CDKAL1: variants seen among roughly 807,000 people sequenced by gnomAD.
CDKAL1 encodes the protein CDKAL1 threonylcarbamoyladenosine tRNA methylthiotransferase, also known as threonylcarbamoyladenosine tRNA methylthiotransferase.
In CDKAL1, 32 loss-of-function variants were observed where a neutral mutation model predicts 68.2. That is an observed-to-expected ratio of 0.47 (90% CI 0.35 to 0.63). The LOEUF is 0.63. Ranked by LOEUF, CDKAL1 falls within the 30% of genes least tolerant of loss-of-function variation. The pLI, the probability that CDKAL1 is intolerant of heterozygous loss-of-function variation, is 0.00. For synonymous variants in CDKAL1, 234 were observed against 244.3 expected (o/e 0.96, Z 0.39); for missense variants, 606 against 696.7 (o/e 0.87, Z 1.47).
intron 8 of CDKAL1, among the ~76,000 whole-genome samples, chr6:20,819,699 C>T (rs970213697): frequency 3.9e-5 from 6 of 151,906 alleles, no homozygotes; most frequent in East Asian, 1.9e-4. Flanking sequence ...TTCTATACTT[C>T]GAAATAAATG....
intron 5 of CDKAL1, among the ~76,000 whole-genome samples, chr6:20,672,298 CCCTCT>C (rs1769880234): frequency 9.0e-6 from 1 of 111,504 alleles, no homozygotes; most frequent in African/African-American, 6.8e-5. Flanking sequence ...CTCTCTCTCT[CCCTCT>C]CCCTCTCCCT....
intron 11 of CDKAL1, among the ~76,000 whole-genome samples, chr6:21,055,463 T>A (rs1443815890): frequency 6.6e-6 from 1 of 152,168 alleles, no homozygotes; most frequent in East Asian, 1.9e-4. Flanking sequence ...GGTGATTTAC[T>A]GCACCTATCA....
chr6:21,111,545 G>A (rs930658970), intron 13 of CDKAL1, among the ~76,000 whole-genome samples: 1 of 152,188 alleles, frequency 6.6e-6, no homozygotes, highest in Non-Finnish European at 1.5e-5. Flanking sequence ...TTAAACAAAC[G>A]TGTTGTTTGA....
At chr6:20,836,341 CG>C (rs1206288186) in intron 8 of CDKAL1, among the ~76,000 whole-genome samples, 2 of 152,088 alleles carry the variant, frequency 1.3e-5, no homozygotes, top group African/African-American at 4.8e-5. Context: ...AAAGCAGCAC[CG>C]TCACTAAGTT....
chr6:21,057,590 T>C (rs1164629647), intron 11 of CDKAL1, among the ~76,000 whole-genome samples: 5 of 152,246 alleles, frequency 3.3e-5, no homozygotes, highest in South Asian at 2.1e-4. Flanking sequence ...CTTGGTTCTC[T>C]AGTTTTTTTA....
In CDKAL1 at chr6:21,123,291, C is replaced by T. The variant is rs182671691; in HGVS notation, c.1299+14828C>T. Among the ~76,000 whole-genome samples the T allele has an allele frequency of 7.2e-5, 11 of 152,062 alleles. 1 individual carries two copies. Among genetic ancestry groups the T allele is most frequent in the Admixed American group, 3.3e-4 (5 of 15,280 alleles). On this transcript the variant is annotated intron_variant, in intron 13 of 15. Coordinates refer to ENST00000274695, the MANE Select transcript of CDKAL1 (RefSeq NM_017774.3). ...CCAACATGGTGAAACCCCATCTCTACAAAAAATAGAAAAATTAGCCAGGTG... is the reference window on the plus strand; with the variant it reads ...CCAACATGGTGAAACCCCATCTCTATAAAAAATAGAAAAATTAGCCAGGTG...
At chr6:20,911,261 CTACCCA>C (rs1762456051) in intron 9 of CDKAL1, among the ~76,000 whole-genome samples, 1 of 152,164 alleles carries the variant, frequency 6.6e-6, no homozygotes, top group South Asian at 2.1e-4. Context: ...CAAATAGTAG[CTACCCA>C]CTAAGTAGTA....
chr6:20,642,724 T>C (rs1421424848), intron 4 of CDKAL1, among the ~76,000 whole-genome samples: 1 of 152,164 alleles, frequency 6.6e-6, no homozygotes, highest in African/African-American at 2.4e-5. Flanking sequence ...TGGAATTTCA[T>C]GAGAATTTAT....
intron 15 of CDKAL1, among the ~76,000 whole-genome samples, chr6:21,218,855 AT>A (rs1319300685): frequency 6.6e-6 from 1 of 152,196 alleles, no homozygotes; most frequent in African/African-American, 2.4e-5. Context: ...GAGATTACAT[AT>A]GGGTGTGAAT....
chr6:20,907,064 G>C (rs1033924955), intron 9 of CDKAL1, among the ~76,000 whole-genome samples: 1 of 152,188 alleles, frequency 6.6e-6, no homozygotes, highest in Non-Finnish European at 1.5e-5. Flanking sequence ...GATTCTCAGG[G>C]ATTGAGAGTA....
intron 5 of CDKAL1, among the ~76,000 whole-genome samples, chr6:20,729,323 T>A (rs1413922912): frequency 6.6e-6 from 1 of 152,230 alleles, no homozygotes; most frequent in African/African-American, 2.4e-5. Context: ...CTCTTTCCTC[T>A]TGCTCTGTTT....
chr6:21,125,913 A>G (rs909246859), intron 13 of CDKAL1, among the ~76,000 whole-genome samples: 1 of 152,172 alleles, frequency 6.6e-6, no homozygotes, highest in South Asian at 2.1e-4. Flanking sequence ...TCCCCTAGAT[A>G]ACTGAAGTTT....
chr6:20,850,343 ACT>A (rs758089024), intron 9 of CDKAL1, among the ~76,000 whole-genome samples: 50 of 152,102 alleles, frequency 3.3e-4, no homozygotes, highest in Non-Finnish European at 6.3e-4. Flanking sequence ...ATTTTTTTAA[ACT>A]CTATATCAAC....
At chr6:20,813,327 T>C (rs1389220650) in intron 8 of CDKAL1, among the ~76,000 whole-genome samples, 1 of 152,196 alleles carries the variant, frequency 6.6e-6, no homozygotes, top group Non-Finnish European at 1.5e-5. Context: ...TATTTAGTGC[T>C]AGGATTTCTT....
Position 21,201,268 on chromosome 6 carries a change from G to C in CDKAL1, c.1542G>C (p.Leu514Phe). ...KPLAKGEVSG[L>F]TKDFRNGLGN... ...TAGCAAAGGGAGAAGTCTCGGGTTTGACAAAGGTAAGTAAAAGATGCTCTC... is the reference window on the plus strand; with the variant it reads ...TAGCAAAGGGAGAAGTCTCGGGTTTCACAAAGGTAAGTAAAAGATGCTCTC... Residue 514 changes from leucine (L) to phenylalanine (F), a missense_variant, in exon 15 of 16, where the codon TTG (leucine) becomes TTC (phenylalanine). Coordinates refer to ENST00000274695, the MANE Select transcript of CDKAL1 (RefSeq NM_017774.3). The C allele has an allele frequency of 6.2e-7, 1 of 1,604,454 alleles. No homozygotes were observed. The highest frequency in any genetic ancestry group is 1.1e-5 in the South Asian group (1 of 90,574).
At chr6:20,746,615 C>T (rs1040130830) in intron 6 of CDKAL1, among the ~76,000 whole-genome samples, 1 of 152,156 alleles carries the variant, frequency 6.6e-6, no homozygotes. Flanking sequence ...TTTGACTTGT[C>T]AGATGCTGAT....
intron 15 of CDKAL1, among the ~76,000 whole-genome samples, chr6:21,209,069 T>TTGA (rs1461028491): frequency 5.3e-5 from 8 of 152,210 alleles, no homozygotes. Flanking sequence ...TAATTGTGCC[T>TTGA]TGATAATAAT....
At chr6:20,758,664 A>T in intron 7 of CDKAL1, 21 bp downstream of exon 7, 1 of 1,582,598 alleles carries the variant, frequency 6.3e-7, no homozygotes, top group Non-Finnish European at 8.7e-7. Flanking sequence ...AAAGTGAGAT[A>T]AACAGATGTA....
At chr6:20,971,892 C>T (rs1383614801) in intron 10 of CDKAL1, among the ~76,000 whole-genome samples, 3 of 152,124 alleles carry the variant, frequency 2.0e-5, no homozygotes, top group Non-Finnish European at 2.9e-5. Context: ...ACTCATTTTA[C>T]TTGATGTGAC....
Sources: allele counts gnomAD v4.1 joint callset (sites outside exome capture counted in the v4.1 genomes callset), GRCh38; gene constraint gnomAD v4.1.1; transcripts MANE v1.5; gene names NCBI Gene and HGNC (gene_info 2026-07-23, HGNC 2026-07-21).